ELMO1: variants seen among roughly 807,000 people sequenced by gnomAD.
The protein encoded by ELMO1 is engulfment and cell motility 1, also known as engulfment and cell motility protein 1.
ELMO1 carries 26 observed loss-of-function variants against 98.9 expected under a neutral mutation model. The ratio of observed to expected loss-of-function variants is 0.26; its 90% CI spans 0.19 to 0.36. ELMO1 has a LOEUF of 0.36. ELMO1 is among the 10% of genes least tolerant of loss of function. ELMO1 has a pLI of 1.00. For missense variants in ELMO1, 627 were observed against 935.2 expected, an observed-to-expected ratio of 0.67 and a Z score of 4.30; for synonymous variants, 346 against 346.0, an observed-to-expected ratio of 1.00 and a Z score of 0.00.
At chr7:37,418,672 T>C (rs951865008) in intron 1 of ELMO1, among the ~76,000 whole-genome samples, 1 of 152,190 alleles carries the variant, frequency 6.6e-6, no homozygotes, top group Admixed American at 6.5e-5. Context: ...CTCGGTCAGA[T>C]GCTGACCTGC....
intron 1 of ELMO1, among the ~76,000 whole-genome samples, chr7:37,368,808 T>C (rs1802000726): frequency 6.6e-6 from 1 of 152,230 alleles, no homozygotes; most frequent in Non-Finnish European, 1.5e-5. Context: ...GCACATTCTC[T>C]GTCTCCTCTC....
chr7:37,295,811 T>C (rs1202418357), intron 4 of ELMO1, among the ~76,000 whole-genome samples: 2 of 152,228 alleles, frequency 1.3e-5, no homozygotes, highest in African/African-American at 4.8e-5. Flanking sequence ...GTATATTTTA[T>C]TAAGGTAATA....
chr7:37,019,259 G>A (rs1794132952), intron 15 of ELMO1, among the ~76,000 whole-genome samples: 1 of 152,200 alleles, frequency 6.6e-6, no homozygotes, highest in Non-Finnish European at 1.5e-5. Context: ...CACATGAAGG[G>A]GTTGGCCTGC....
chr7:37,340,528 A>G (rs533674613), intron 2 of ELMO1, among the ~76,000 whole-genome samples: 55 of 152,368 alleles, frequency 3.6e-4, no homozygotes, highest in Non-Finnish European at 7.1e-4. Flanking sequence ...CGAACAGAAT[A>G]AGGACATTAG....
chr7:36,892,870 T>C (rs1393816959), intron 17 of ELMO1, among the ~76,000 whole-genome samples: 1 of 152,172 alleles, frequency 6.6e-6, no homozygotes, highest in East Asian at 1.9e-4. Context: ...TCTTGGTCCA[T>C]GGCCGAGGGA....
At chr7:37,334,355 A>T (rs1326344269) in intron 2 of ELMO1, among the ~76,000 whole-genome samples, 2 of 152,216 alleles carry the variant, frequency 1.3e-5, no homozygotes, top group Non-Finnish European at 2.9e-5. Context: ...CTGAGGCAGG[A>T]GAATCGCTTG....
rs574105716 is a variant in ELMO1, at chr7:37,204,372, G to A, written c.1086+7014C>T. 114 of 387,588 alleles carry A rather than the reference G, an allele frequency of 2.9e-4. 1 individual carries two copies. The highest frequency in any genetic ancestry group is 2.1e-3 in the South Asian group (111 of 52,062). 24.0% of individuals were successfully genotyped at this position (387,588 alleles called of 1,614,324 possible). A position where few individuals can be genotyped will look rare whatever the true frequency, so the allele number is the denominator to read the frequency against. ...AAGAGTGAAGCTGCAGACCTTCGCGGTGAGTGTTACAGTTCATAAAGGCGG... is the reference window on the plus strand; with the variant it reads ...AAGAGTGAAGCTGCAGACCTTCGCGATGAGTGTTACAGTTCATAAAGGCGG... On this transcript the variant is annotated intron_variant, in intron 13 of 21. Transcript: ENST00000310758.
At chr7:37,099,575 AG>A (rs1197445014) in intron 14 of ELMO1, among the ~76,000 whole-genome samples, 1 of 152,244 alleles carries the variant, frequency 6.6e-6, no homozygotes, top group African/African-American at 2.4e-5. Flanking sequence ...CACTCATCTT[AG>A]AATATATCAA....
intron 16 of ELMO1, among the ~76,000 whole-genome samples, chr7:36,898,548 G>A (rs113226124): frequency 4.3e-4 from 65 of 152,274 alleles, no homozygotes; most frequent in African/African-American, 1.4e-3. Flanking sequence ...TTGGAAGACC[G>A]GGTTAAAGGT....
intron 1 of ELMO1, among the ~76,000 whole-genome samples, chr7:37,373,935 C>G (rs1185979333): frequency 6.6e-6 from 1 of 152,194 alleles, no homozygotes; most frequent in African/African-American, 2.4e-5. Context: ...CTTAATATTT[C>G]TAAAGATATA....
intron 1 of ELMO1, among the ~76,000 whole-genome samples, chr7:37,391,090 C>T (rs1583673616): frequency 1.3e-5 from 2 of 150,166 alleles, no homozygotes; most frequent in Non-Finnish European, 3.0e-5. Flanking sequence ...CTCCCTCTTT[C>T]CCCCCACCGC....
chr7:37,183,209 AAGG>A (rs1245015569), intron 13 of ELMO1, among the ~76,000 whole-genome samples: 2 of 152,174 alleles, frequency 1.3e-5, no homozygotes, highest in Non-Finnish European at 2.9e-5. Context: ...GAGAAGGAGG[AAGG>A]AGGAGGAAGA....
At chr7:37,204,053 A>C in intron 13 of ELMO1, 1 of 454,702 alleles carries the variant, frequency 2.2e-6, no homozygotes, top group South Asian at 1.6e-5. Flanking sequence ...TTAGCCCCCG[A>C]ATTCTAAGGA....
At chr7:37,015,901 G>C (rs1309870846) in intron 15 of ELMO1, among the ~76,000 whole-genome samples, 1 of 152,200 alleles carries the variant, frequency 6.6e-6, no homozygotes, top group Non-Finnish European at 1.5e-5. Context: ...TACTAGCAGA[G>C]AGATGGCAAA....
chr7:36,889,308 C>A (rs1470375471), intron 17 of ELMO1, among the ~76,000 whole-genome samples: 1 of 152,188 alleles, frequency 6.6e-6, no homozygotes, highest in African/African-American at 2.4e-5. Context: ...CTTAGGGTCT[C>A]ATTTCAGGCT....
chr7:37,167,405 C>T (rs978511667), intron 13 of ELMO1, among the ~76,000 whole-genome samples: 5 of 151,938 alleles, frequency 3.3e-5, no homozygotes, highest in Non-Finnish European at 5.9e-5. Context: ...TTATTTTGCT[C>T]GTTAGTTGAT....
At chr7:37,312,678 A>G (rs776599443) in intron 4 of ELMO1, among the ~76,000 whole-genome samples, 4 of 152,168 alleles carry the variant, frequency 2.6e-5, no homozygotes, top group Non-Finnish European at 5.9e-5. Flanking sequence ...CCCCATCTTT[A>G]GTAATCTTCA....
chr7:36,988,655 G>T (rs1051206409), intron 16 of ELMO1, among the ~76,000 whole-genome samples: 1 of 152,178 alleles, frequency 6.6e-6, no homozygotes, highest in African/African-American at 2.4e-5. Flanking sequence ...ATGATCTAAA[G>T]GAAGAGTAAA....
rs138259650 is a variant in ELMO1 at position 36,908,731 on chromosome 7, G to A, written c.1438-13714C>T. Reference sequence around the variant, plus strand: ...TGGACCTTACCATGTATCTCATCTTGAATTAGAAAACGTATGTTTAAAAAC... The same window carrying A: ...TGGACCTTACCATGTATCTCATCTTAAATTAGAAAACGTATGTTTAAAAAC... On this transcript the variant is annotated intron_variant, in intron 16 of 21. Coordinates refer to ENST00000310758, the MANE Select transcript of ELMO1 (RefSeq NM_014800.11). Among the ~76,000 whole-genome samples the A allele has an allele frequency of 3.4e-3, 521 of 152,246 alleles. 3 individuals carry two copies. The highest frequency in any genetic ancestry group is 0.014 in the Middle Eastern group (4 of 294).
Sources: gnomAD v4.1 joint callset for allele counts (sites outside exome capture counted in the v4.1 genomes callset) on GRCh38, gnomAD v4.1.1 for gene constraint, MANE v1.5 for transcripts, NCBI Gene and HGNC (gene_info 2026-07-23, HGNC 2026-07-21) for gene names.